Variants in SOBP observed in about 807,000 individuals in gnomAD.
SOBP encodes sine oculis-binding protein homolog.
In SOBP, 4 loss-of-function variants were observed where a neutral mutation model predicts 53.6. The ratio of observed to expected loss-of-function variants is 0.07; its 90% CI spans 0.04 to 0.17. The LOEUF (loss-of-function observed/expected upper bound fraction) is 0.17. SOBP is among the 10% of genes least tolerant of loss of function. SOBP has a pLI of 1.00. For missense variants in SOBP, 1,088 were observed against 1,204.7 expected (o/e 0.90, Z 1.43); for synonymous variants, 584 against 522.6 (o/e 1.12, Z -1.60).
At chr6:107,642,255 AT>A (rs1451443854) in intron 6 of SOBP, among the ~76,000 whole-genome samples, 47 of 151,864 alleles carry the variant, frequency 3.1e-4, no homozygotes, top group African/African-American at 1.1e-3. Context: ...GAAAAAAAAA[AT>A]AGGGTGGGGT....
At chr6:107,644,416 G>C (rs1771468509) in intron 6 of SOBP, among the ~76,000 whole-genome samples, 1 of 152,174 alleles carries the variant, frequency 6.6e-6, no homozygotes, top group South Asian at 2.1e-4. Flanking sequence ...ACAATTTATT[G>C]GTGGTTGGAT....
chr6:107,580,311 C>T (rs1368725348), intron 4 of SOBP, among the ~76,000 whole-genome samples: 1 of 152,178 alleles, frequency 6.6e-6, no homozygotes, highest in Non-Finnish European at 1.5e-5. Context: ...TGTTCAGTGA[C>T]TTGAATATTT....
chr6:107,600,866 A>C (rs1786153203), intron 5 of SOBP, among the ~76,000 whole-genome samples: 1 of 152,202 alleles, frequency 6.6e-6, no homozygotes, highest in East Asian at 1.9e-4. Context: ...ATCATTTTGG[A>C]TGGGCATGAA....
Position 107,633,713 on chromosome 6 carries a change from C to T in SOBP, c.869C>T (p.Thr290Ile), listed in dbSNP as rs1184471926. ...HPPMENKAEG[T>I]GVQLLTPDSW... The stretch of plus-strand genomic sequence containing the variant: ...CCCATGGAAAATAAAGCAGAAGGCA[C>T]CGGGGTGCAGCTGCTCACTCCAGAC... Residue 290 changes from threonine to isoleucine, a missense_variant, in exon 6 of 7, where the codon ACC becomes ATC. Physicochemically the swap from Thr to Ile is moderately conservative, Grantham distance 89. Coordinates refer to ENST00000317357, the MANE Select transcript of SOBP (RefSeq NM_018013.4). 5.6e-6 allele frequency: 9 copies of T among 1,614,244 alleles called. No individual in the cohort carries two copies. Among genetic ancestry groups the T allele is most frequent in the Admixed American group, 5.0e-5 (3 of 60,036 alleles).
At chr6:107,497,088 T>TA (rs1782721045) in intron 1 of SOBP, among the ~76,000 whole-genome samples, 1 of 152,190 alleles carries the variant, frequency 6.6e-6, no homozygotes, top group Admixed American at 6.5e-5. Flanking sequence ...TTATCTCTAT[T>TA]AATGAGTCCA....
At chr6:107,644,348 T>A (rs532425314) in intron 6 of SOBP, among the ~76,000 whole-genome samples, 4 of 152,304 alleles carry the variant, frequency 2.6e-5, no homozygotes, top group Admixed American at 2.0e-4. Context: ...GTGTTGGATC[T>A]CAGTCTGTGT....
chr6:107,643,475 G>GCACTCC (rs1771414901), intron 6 of SOBP, among the ~76,000 whole-genome samples: 1 of 152,088 alleles, frequency 6.6e-6, no homozygotes, highest in Non-Finnish European at 1.5e-5. Context: ...GGAGTGCAGT[G>GCACTCC]ACGCGATCTC....
chr6:107,657,857 C>T (rs1318304329), intron 6 of SOBP, among the ~76,000 whole-genome samples: 1 of 150,714 alleles, frequency 6.6e-6, no homozygotes, highest in Non-Finnish European at 1.5e-5. Context: ...AAAAAAAAGC[C>T]TCCTGCTGGT....
rs747900786 is a variant in SOBP, at chr6:107,634,383, G to C, written c.1539G>C (p.Ser513=). Residue 513 remains serine (S), a synonymous_variant, in exon 6 of 7, where the codon TCG becomes TCC. Transcript: ENST00000317357. This position sits in a 1 kb window ranked among gnomAD's most constrained non-coding sequence, Gnocchi z 4.5. Reference sequence around the variant, plus strand: ...AGATGATGAATTTCGGGCTGCCGTCGCTTGCCCCGCTGGTGCCGCCCCCGA... The same window carrying C: ...AGATGATGAATTTCGGGCTGCCGTCCCTTGCCCCGCTGGTGCCGCCCCCGA... The part of the protein sequence containing the change: ...VPQMMNFGLP[S]LAPLVPPPTL... The C allele has an allele frequency of 9.4e-6, 15 of 1,597,254 alleles. No individual in the cohort carries two copies. The highest frequency in any genetic ancestry group is 1.2e-5 in the Non-Finnish European group (14 of 1,177,948).
At chr6:107,557,993 A>T in intron 4 of SOBP, 1 of 152,108 alleles carries the variant, frequency 6.6e-6, no homozygotes, top group East Asian at 1.9e-4. Flanking sequence ...GTAAAATTTA[A>T]ACATTTTAGA....
chr6:107,492,177 AT>A (rs1014928897), intron 1 of SOBP, among the ~76,000 whole-genome samples: 1 of 151,964 alleles, frequency 6.6e-6, no homozygotes, highest in Non-Finnish European at 1.5e-5. Context: ...GTTTTATTTT[AT>A]TTTTTTTAAG....
chr6:107,599,881 G>T (rs1337898906), intron 5 of SOBP, among the ~76,000 whole-genome samples: 1 of 152,144 alleles, frequency 6.6e-6, no homozygotes, highest in African/African-American at 2.4e-5. Context: ...TTGTAAACAT[G>T]AACAAACAAA....
rs11362582 is a variant in SOBP, at chr6:107,578,073, C to CA, written c.574-8985dup. Among the ~76,000 whole-genome samples, 262 of 87,200 alleles carry CA rather than the reference C, an allele frequency of 3.0e-3. 3 individuals carry two copies. Among genetic ancestry groups the CA allele is most frequent in the Non-Finnish European group, 3.8e-3 (168 of 43,726 alleles). The allele number at this position is 87,200 out of a possible 152,430, so 57.2% of individuals were successfully genotyped here. On this transcript the variant is annotated intron_variant, in intron 4 of 6. Transcript: ENST00000317357. ...TGGGCTACAGAGCAAGACTCTGTCTCAAAAAAAAAAAAAAAAAAAAAAGAA... is the reference window on the plus strand; with the variant it reads ...TGGGCTACAGAGCAAGACTCTGTCTCAAAAAAAAAAAAAAAAAAAAAAAGAA...
chr6:107,588,805 C>A (rs1321893755), intron 5 of SOBP, among the ~76,000 whole-genome samples: 1 of 152,182 alleles, frequency 6.6e-6, no homozygotes, highest in Non-Finnish European at 1.5e-5. Context: ...TGCTTAAACA[C>A]ATTGTTGTGT....
intron 4 of SOBP, among the ~76,000 whole-genome samples, chr6:107,553,742 T>C (rs1221000490): frequency 1.3e-5 from 2 of 152,112 alleles, no homozygotes; most frequent in Non-Finnish European, 2.9e-5. Context: ...CGCCTTGGCC[T>C]CCCAAAGTGC....
At chr6:107,597,990 G>GGT (rs1198630735) in intron 5 of SOBP, among the ~76,000 whole-genome samples, 4 of 151,986 alleles carry the variant, frequency 2.6e-5, no homozygotes, top group Non-Finnish European at 5.9e-5. Flanking sequence ...GTGGTTATGG[G>GGT]GTGTGTGTGT....
At chr6:107,606,679 C>T (rs6937870) in intron 5 of SOBP, among the ~76,000 whole-genome samples, 56,710 of 152,048 alleles carry the variant, frequency 0.37, 11,838 homozygotes, top group East Asian at 0.66. Context: ...GGTTCCTACA[C>T]TGAAGGTCTG....
intron 6 of SOBP, among the ~76,000 whole-genome samples, chr6:107,657,965 C>A (rs2114260229): frequency 6.6e-6 from 1 of 152,198 alleles, no homozygotes; most frequent in South Asian, 2.1e-4. Flanking sequence ...TTATGGTATT[C>A]CAAAAAGCGA....
chr6:107,645,115 C>G (rs1771498728), intron 6 of SOBP, among the ~76,000 whole-genome samples: 1 of 152,148 alleles, frequency 6.6e-6, no homozygotes, highest in Admixed American at 6.5e-5. Flanking sequence ...ACTGTCCGAT[C>G]AGGTGATCAA....
Sources: gnomAD v4.1 joint callset for allele counts (sites outside exome capture counted in the v4.1 genomes callset) on GRCh38, gnomAD v4.1.1 for gene constraint, Gnocchi (gnomAD v3.1) non-coding constraint, MANE v1.5 for transcripts, NCBI Gene and HGNC (gene_info 2026-07-23, HGNC 2026-07-21) for gene names.